PREX1: variants seen among roughly 807,000 people sequenced by gnomAD.
PREX1 encodes phosphatidylinositol-3,4,5-trisphosphate dependent Rac exchange factor 1, also known as phosphatidylinositol 3,4,5-trisphosphate-dependent Rac exchanger 1 protein.
Under a neutral mutation model 198.3 loss-of-function variants are expected in PREX1, and 41 were observed. The ratio of observed to expected loss-of-function variants is 0.21; its 90% CI spans 0.16 to 0.27. The LOEUF (loss-of-function observed/expected upper bound fraction) is 0.27. Among genes scored for constraint, PREX1 ranks in the 10% least tolerant of loss-of-function variants. The pLI, the probability that PREX1 is intolerant of heterozygous loss-of-function variation, is 1.00. For missense variants in PREX1, 1,620 were observed against 2,200.7 expected, an observed-to-expected ratio of 0.74 and a Z score of 5.28; for synonymous variants, 843 against 887.2, an observed-to-expected ratio of 0.95 and a Z score of 0.89.
chr20:48,691,071 G>C lies in PREX1; in HGVS notation c.1062C>G (p.Thr354=). 1 of 1,614,198 alleles carries C rather than the reference G, an allele frequency of 6.2e-7. No homozygotes were observed. Among genetic ancestry groups the C allele is most frequent in the Non-Finnish European group, 8.5e-7 (1 of 1,180,044 alleles). The change falls in exon 9 of 40, where the codon ACC becomes ACG. Residue 354 remains threonine, a synonymous_variant. Coordinates refer to ENST00000371941, the MANE Select transcript of PREX1 (RefSeq NM_020820.4). The surrounding 1 kb of genome is among the most constrained non-coding windows in gnomAD (Gnocchi z 5.0). The part of the protein sequence containing the change: ...GTADYHSNGY[T]VTNGWKIHNT... ...TGTGGATCTTCCAGCCGTTGGTGAC[G>C]GTATAGCCGTTGCTATGGTAATCCG...
At chr20:48,748,991 C>G (rs1368474757) in intron 1 of PREX1, among the ~76,000 whole-genome samples, 1 of 152,080 alleles carries the variant, frequency 6.6e-6, no homozygotes, top group African/African-American at 2.4e-5. Context: ...ATGGTGCCAA[C>G]AAGAGATGAC....
chr20:48,676,226 G>A lies in PREX1; in HGVS notation c.1632C>T (p.Pro544=), dbSNP rs373526526. 4.1e-5 allele frequency: 66 copies of A among 1,613,894 alleles called. No individual in the cohort carries two copies. Among genetic ancestry groups the A allele is most frequent in the Non-Finnish European group, 4.8e-5 (57 of 1,179,972 alleles). ...GCAGCCAGTCCACCAGCTTGCTCCC[G>A]GGAAGCACTGACTTGTAGGTCTTCA... ...YHLKTYKSVL[P]GSKLVDWLLA... Residue 544 remains proline (P), a synonymous_variant, in exon 14 of 40, where the codon CCC becomes CCT. Coordinates refer to ENST00000371941, the MANE Select transcript of PREX1 (RefSeq NM_020820.4).
intron 1 of PREX1, among the ~76,000 whole-genome samples, chr20:48,791,603 G>A (rs1419231134): frequency 6.6e-6 from 1 of 152,184 alleles, no homozygotes; most frequent in Non-Finnish European, 1.5e-5. Context: ...GATGGGTCAG[G>A]TTTCAACACA....
In PREX1 at chr20:48,633,534, G is replaced by A. The variant is rs117516180; in HGVS notation, c.4268-895C>T. Among the ~76,000 whole-genome samples the A allele has an allele frequency of 4.8e-3, 728 of 152,310 alleles. 5 individuals carry two copies. Among genetic ancestry groups the A allele is most frequent in the Non-Finnish European group, 5.7e-3 (385 of 68,030 alleles). On this transcript the variant is annotated intron_variant, in intron 33 of 39. Coordinates refer to ENST00000371941, the MANE Select transcript of PREX1 (RefSeq NM_020820.4). Reference sequence around the variant, plus strand: ...GCCTGGTTCCTAATTAAACCCACATGCCTCAGAAGCCCCTGGAGGGCTTTC... The same window carrying A: ...GCCTGGTTCCTAATTAAACCCACATACCTCAGAAGCCCCTGGAGGGCTTTC...
chr20:48,742,527 A>G (rs1183536505), intron 3 of PREX1, among the ~76,000 whole-genome samples: 1 of 152,142 alleles, frequency 6.6e-6, no homozygotes, highest in Non-Finnish European at 1.5e-5. Flanking sequence ...TCCCAGGCCC[A>G]GGGAGGATGC....
chr20:48,732,950 G>C (rs1031926907), intron 4 of PREX1, among the ~76,000 whole-genome samples: 4 of 152,046 alleles, frequency 2.6e-5, no homozygotes, highest in African/African-American at 9.7e-5. Flanking sequence ...TAGGGCCTTA[G>C]CCCCTGACAC....
In PREX1 at chr20:48,721,218, C is replaced by T. The variant is rs1362562473; in HGVS notation, c.621+5072G>A. Among the ~76,000 whole-genome samples the T allele has an allele frequency of 2.6e-5, 4 of 152,210 alleles. No individual in the cohort carries two copies. In the East Asian group the frequency reaches 7.7e-4, roughly 29 times the overall value. ...GGCACCATTCCAGGCACTGAGGAAA[C>T]AGGCCCATATCCCTGCCCTTGGGGA... On this transcript the variant is annotated intron_variant, in intron 5 of 39. Transcript: ENST00000371941.
At position 48,754,082 on chromosome 20, in the gene PREX1, G is replaced by A. The variant is rs188789864; in HGVS notation, c.220-6202C>T. 2.0e-4 allele frequency among the ~76,000 whole-genome samples: 30 copies of A among 152,334 alleles called. No homozygotes were observed. In the East Asian group the frequency reaches 3.9e-3, roughly 20 times the overall value. ...AGACTGGTATGTGGAGAAAGGATGGGAGAGACAGGGAGAAACTGAGAACAG... is the reference window on the plus strand; with the variant it reads ...AGACTGGTATGTGGAGAAAGGATGGAAGAGACAGGGAGAAACTGAGAACAG... On this transcript the variant is annotated intron_variant, in intron 1 of 39. Coordinates refer to ENST00000371941, the MANE Select transcript of PREX1 (RefSeq NM_020820.4).
At position 48,803,468 on chromosome 20, in the gene PREX1, G is replaced by A. The variant is rs184100386; in HGVS notation, c.219+24174C>T. The stretch of plus-strand genomic sequence containing the variant: ...GGAAGGGGAACAGAGTGAGAGCCAG[G>A]AGTATTTTCAAGGAGTGGGGTAAGG... On this transcript the variant is annotated intron_variant, in intron 1 of 39. Coordinates refer to ENST00000371941, the MANE Select transcript of PREX1 (RefSeq NM_020820.4). 8.1e-4 allele frequency among the ~76,000 whole-genome samples: 124 copies of A among 152,252 alleles called. 2 individuals carry two copies. The South Asian group carries it at 0.019, about 23-fold the overall frequency.
chr20:48,685,901 C>CAAAAAAAAAAAAAAAAA (rs1387711158), intron 10 of PREX1, among the ~76,000 whole-genome samples: 1 of 139,616 alleles, frequency 7.2e-6, no homozygotes. Context: ...CTCTAAAAAC[C>CAAAAAAAAAAAAAAAAA]AAAAGATAAA....
chr20:48,626,756 G>A (rs988101580), intron 39 of PREX1, among the ~76,000 whole-genome samples: 14 of 152,366 alleles, frequency 9.2e-5, no homozygotes, highest in East Asian at 7.7e-4. Context: ...TGCCGCTGGC[G>A]GGGAGCTGCC....
In PREX1 at chr20:48,658,211, C is replaced by T. The variant is rs745472128; in HGVS notation, c.1899G>A (p.Glu633=). ...AKRLLILPQE[E]DYGFDIEEKN... is the part of the protein sequence containing the mutation. ...TCTCCTCGATGTCAAAGCCATAGTCCTCCTCCTGGGGCAGGATCTGGGGGC... is the reference window on the plus strand; with the variant it reads ...TCTCCTCGATGTCAAAGCCATAGTCTTCCTCCTGGGGCAGGATCTGGGGGC... Residue 633 remains glutamate, a synonymous_variant, in exon 17 of 40, where the codon GAG becomes GAA. Coordinates refer to ENST00000371941, the MANE Select transcript of PREX1 (RefSeq NM_020820.4). 6.8e-6 allele frequency: 11 copies of T among 1,614,072 alleles called. No individual in the cohort carries two copies. The highest frequency in any genetic ancestry group is 9.3e-6 in the Non-Finnish European group (11 of 1,180,022).
chr20:48,841,805 G>A, the PREX1 span, among the ~76,000 whole-genome samples: 281 of 152,090 alleles, frequency 1.8e-3, 2 homozygotes, highest in African/African-American at 6.3e-3. Flanking sequence ...CTAACCCCCC[G>A]CCCACCCTAC....
intron 3 of PREX1, among the ~76,000 whole-genome samples, chr20:48,742,071 T>C (rs1313491425): frequency 6.6e-6 from 1 of 152,102 alleles, no homozygotes; most frequent in Non-Finnish European, 1.5e-5. Flanking sequence ...TCCAAAATAC[T>C]TCATCTCTGT....
chr20:48,817,013 C>T (rs2090462245), intron 1 of PREX1, among the ~76,000 whole-genome samples: 1 of 152,190 alleles, frequency 6.6e-6, no homozygotes, highest in Admixed American at 6.5e-5. Context: ...CTCTCTGGGC[C>T]TCAGTTTCCT....
Position 48,724,277 on chromosome 20 carries a change from T to A in PREX1, c.621+2013A>T, listed in dbSNP as rs573850267. ...CTTTCTCTGTGCCTCAGCTGCCCCA[T>A]CTCCAAGAGGGGGCTAATCACAGTG... On this transcript the variant is annotated intron_variant, in intron 5 of 39. Transcript: ENST00000371941. 4.6e-5 allele frequency among the ~76,000 whole-genome samples: 7 copies of A among 152,282 alleles called. No homozygotes were observed. The East Asian group carries it at 1.3e-3, about 29-fold the overall frequency.
rs2089436222 is a variant in PREX1, at chr20:48,644,402, C to CGT, written c.3601+6_3601+7insAC. On this transcript the variant is annotated splice_region_variant and intron_variant, in intron 27 of 39. Coordinates refer to ENST00000371941, the MANE Select transcript of PREX1 (RefSeq NM_020820.4). ...CCCTGAGCACAGGCCGCTGCCACTC[C>CGT]ACTCACCAGACCCCATCTCGTCGCT... is the stretch of plus-strand genomic sequence containing the variant. 1.2e-6 allele frequency: 2 copies of CGT among 1,611,650 alleles called. No individual in the cohort carries two copies. The highest frequency in any genetic ancestry group is 1.7e-6 in the Non-Finnish European group (2 of 1,178,208).
chr20:48,793,029 A>G (rs1326713419), intron 1 of PREX1, among the ~76,000 whole-genome samples: 1 of 152,012 alleles, frequency 6.6e-6, no homozygotes, highest in Non-Finnish European at 1.5e-5. Context: ...ACATTGCGAT[A>G]CCCCATATCT....
intron 15 of PREX1, among the ~76,000 whole-genome samples, chr20:48,664,638 C>T (rs996155551): frequency 1.3e-5 from 2 of 152,260 alleles, no homozygotes; most frequent in Non-Finnish European, 2.9e-5. Context: ...GGACAGGAAA[C>T]TCAGGGATCC....
Sources: gnomAD v4.1 joint callset for allele counts (sites outside exome capture counted in the v4.1 genomes callset) on GRCh38, gnomAD v4.1.1 for gene constraint, Gnocchi (gnomAD v3.1) non-coding constraint, MANE v1.5 for transcripts, NCBI Gene and HGNC (gene_info 2026-07-23, HGNC 2026-07-21) for gene names.